The following CARF variants were observed in gnomAD, a reference collection of about 807,000 sequenced individuals.
CARF encodes the protein calcium responsive transcription factor.
CARF carries 57 observed loss-of-function variants against 82.0 expected under a neutral mutation model. The observed-to-expected ratio is 0.70, with a 90% CI of 0.56 to 0.87. The LOEUF is 0.87. CARF is among the 40% of genes least tolerant of loss of function. The pLI, the probability that CARF is intolerant of heterozygous loss-of-function variation, is 0.00. For missense variants in CARF, 771 were observed against 855.8 expected (o/e 0.90, Z 1.24); for synonymous variants, 268 against 290.1 (o/e 0.92, Z 0.77).
intron 13 of CARF, 80 bp downstream of exon 13, chr2:202,974,576 G>C: frequency 7.5e-7 from 1 of 1,337,716 alleles, no homozygotes. Context: ...AATGGCTAGT[G>C]TTAGGCCATC....
chr2:202,966,941 A>C, intron 9 of CARF, 37 bp from the exon 10 acceptor site: 1 of 1,604,758 alleles, frequency 6.2e-7, no homozygotes, highest in Non-Finnish European at 8.5e-7. Context: ...ATAGATGGAC[A>C]CTTGAATTAA....
chr2:202,986,908 A>ATATACATATATATATATATATAC lies in CARF; in HGVS notation c.*3284_*3285insTATACATATATATATATATATAC, dbSNP rs2060470440. The ATATACATATATATATATATATAC allele has an allele frequency of 7.3e-6, 1 of 136,328 alleles. No individual in the cohort carries two copies. The highest frequency in any genetic ancestry group is 7.6e-5 in the Admixed American group (1 of 13,196). 8.4% of individuals were successfully genotyped at this position (136,328 alleles called of 1,614,324 possible). ...TATATATATATATATATATATATATAGCAACTTGATGTATAGTGTCCTTGT... is the reference window on the plus strand; with the variant it reads ...TATATATATATATATATATATATATATATACATATATATATATATATACGCAACTTGATGTATAGTGTCCTTGT... On this transcript the variant is annotated 3_prime_UTR_variant, in exon 17 of 17. Transcript: ENST00000438828.
chr2:202,917,067 C>T (rs968337876), intron 1 of CARF, among the ~76,000 whole-genome samples: 3 of 151,508 alleles, frequency 2.0e-5, no homozygotes, highest in Non-Finnish European at 2.9e-5. Flanking sequence ...AAAAATTAGC[C>T]GGGCGTAGTG....
chr2:202,916,416 CG>C, intron 1 of CARF, among the ~76,000 whole-genome samples: 1 of 152,008 alleles, frequency 6.6e-6, no homozygotes, highest in East Asian at 1.9e-4. Flanking sequence ...CTCTTAACTT[CG>C]TGATCTGCCC....
intron 13 of CARF, 81 bp downstream of exon 13, chr2:202,974,577 T>C (rs2059948197): frequency 1.5e-6 from 2 of 1,318,782 alleles, no homozygotes; most frequent in East Asian, 5.1e-5. Context: ...ATGGCTAGTG[T>C]TAGGCCATCT....
intron 1 of CARF, among the ~76,000 whole-genome samples, chr2:202,913,879 G>A (rs1251161090): frequency 6.6e-6 from 1 of 152,170 alleles, no homozygotes; most frequent in African/African-American, 2.4e-5. Flanking sequence ...TTATGATCAG[G>A]AAAATAACCT....
chr2:202,964,648 TA>T (rs1165575208), intron 9 of CARF, among the ~76,000 whole-genome samples: 1 of 151,926 alleles, frequency 6.6e-6, no homozygotes, highest in African/African-American at 2.4e-5. Context: ...TGAATCAAAG[TA>T]GAGATAATAA....
intron 9 of CARF, 59 bp from the exon 10 acceptor site, chr2:202,966,919 C>T: frequency 6.6e-7 from 1 of 1,520,358 alleles, no homozygotes; most frequent in Admixed American, 2.1e-5. Flanking sequence ...TACTTTTAAT[C>T]TAGTGTCTAG....
At chr2:202,925,210 G>T in intron 3 of CARF, 1 of 342,648 alleles carries the variant, frequency 2.9e-6, no homozygotes, top group South Asian at 2.5e-5. Flanking sequence ...GATGGAGAAT[G>T]AATTTGTCCT....
chr2:202,950,151 ATTGTCAGATTATAT>A (rs1353760629), intron 5 of CARF, among the ~76,000 whole-genome samples: 3 of 152,210 alleles, frequency 2.0e-5, no homozygotes, highest in Admixed American at 1.3e-4. Flanking sequence ...TAACATTGTC[ATTGTCAGATTATAT>A]GAATTGTAAA....
At chr2:202,925,376 C>A in intron 3 of CARF, 1 of 300,298 alleles carries the variant, frequency 3.3e-6, no homozygotes, top group South Asian at 3.5e-5. Flanking sequence ...CTGGTCCTGT[C>A]CATGGACAAC....
rs2060491810 is a variant in CARF at position 202,987,841 on chromosome 2, T to C, written c.*4217T>C. ...GAGGTATAATTGAAATACAATAAACTGTACATATTTAAAGTACCCAATATG... is the reference window on the plus strand; with the variant it reads ...GAGGTATAATTGAAATACAATAAACCGTACATATTTAAAGTACCCAATATG... On this transcript the variant is annotated 3_prime_UTR_variant, in exon 17 of 17. Coordinates refer to ENST00000438828, the MANE Select transcript of CARF (RefSeq NM_024744.17). Among the ~76,000 whole-genome samples, 1 of 152,318 alleles carries C rather than the reference T, an allele frequency of 6.6e-6. No individual in the cohort carries two copies. The highest frequency in any genetic ancestry group is 2.4e-5 in the African/African-American group (1 of 41,566).
intron 1 of CARF, among the ~76,000 whole-genome samples, chr2:202,914,788 A>C (rs548672581): frequency 0.01 from 1,484 of 147,856 alleles, 51 homozygotes; most frequent in Non-Finnish European, 0.018. Context: ...TCAAAAAAAA[A>C]AAACAAACAA....
At chr2:202,952,363 C>T (rs1435288302) in intron 5 of CARF, among the ~76,000 whole-genome samples, 196 bp from the exon 6 acceptor site, 1 of 152,108 alleles carries the variant, frequency 6.6e-6, no homozygotes, top group Non-Finnish European at 1.5e-5. Flanking sequence ...GTTTTTAATC[C>T]TGGCTTCACC....
chr2:202,920,533 A>AT (rs940715199), intron 2 of CARF, among the ~76,000 whole-genome samples: 51 of 152,216 alleles, frequency 3.4e-4, no homozygotes, highest in Admixed American at 9.8e-4. Context: ...ATATTAAGAA[A>AT]TTTTTTTGAT....
intron 7 of CARF, among the ~76,000 whole-genome samples, chr2:202,954,863 A>T (rs1009424872): frequency 6.6e-6 from 1 of 151,508 alleles, no homozygotes; most frequent in African/African-American, 2.4e-5. Flanking sequence ...CAAAAAAAAA[A>T]ATTAGCCGGG....
intron 1 of CARF, 23 bp from the exon 2 acceptor site, chr2:202,917,854 C>T (rs1460575065): frequency 1.3e-5 from 3 of 231,260 alleles, no homozygotes; most frequent in African/African-American, 2.3e-5. Context: ...ATAAAATATA[C>T]ATTAAATACC....
chr2:202,974,426 A>G lies in CARF; in HGVS notation c.1424A>G (p.His475Arg). Residue 475 changes from histidine (H) to arginine (R), a missense_variant, in exon 13 of 17, where the codon CAC (histidine) becomes CGC (arginine). Physicochemically the swap from His to Arg is conservative, Grantham distance 29. Transcript: ENST00000438828. ...CCAACTGTAAATGATATAAAAAATCACATCCATGAGGTACAGAAATCCTTG... is the reference window on the plus strand; with the variant it reads ...CCAACTGTAAATGATATAAAAAATCGCATCCATGAGGTACAGAAATCCTTG... ...FFPTVNDIKN[H>R]IHEVQKSLRN... The G allele has an allele frequency of 6.2e-7, 1 of 1,609,988 alleles. No individual in the cohort carries two copies. Among genetic ancestry groups the G allele is most frequent in the African/African-American group, 1.3e-5 (1 of 74,806 alleles).
intron 2 of CARF, among the ~76,000 whole-genome samples, chr2:202,921,659 A>G (rs747864023): frequency 4.1e-4 from 63 of 152,308 alleles, no homozygotes; most frequent in African/African-American, 1.1e-3. Context: ...CATTTTGTGA[A>G]TGAATATCTG....
Sources: gnomAD v4.1 joint callset for allele counts (sites outside exome capture counted in the v4.1 genomes callset) on GRCh38, gnomAD v4.1.1 for gene constraint, MANE v1.5 for transcripts, NCBI Gene and HGNC (gene_info 2026-07-23, HGNC 2026-07-21) for gene names.